Variants in MAP3K20 observed in about 807,000 individuals in gnomAD.
MAP3K20 encodes the protein HCCS-4.
MAP3K20 carries 40 observed loss-of-function variants against 85.7 expected under a neutral mutation model. The ratio of observed to expected loss-of-function variants is 0.47; its 90% confidence interval spans 0.36 to 0.61. The LOEUF (loss-of-function observed/expected upper bound fraction) is 0.61, where lower values mean the gene tolerates loss of function less well. MAP3K20 is among the 20% of genes least tolerant of loss of function. The pLI, the probability that MAP3K20 is intolerant of heterozygous loss-of-function variation, is 0.00. For synonymous variants in MAP3K20, 325 were observed against 327.7 expected (o/e 0.99, Z 0.09); for missense variants, 817 against 961.7 (o/e 0.85, Z 1.99).
intron 2 of MAP3K20, among the ~76,000 whole-genome samples, chr2:173,169,067 C>A (rs1310468605): frequency 1.3e-5 from 2 of 152,076 alleles, no homozygotes. Context: ...ATATATTTTG[C>A]ATAAATGATT....
chr2:173,144,256 G>C (rs1031760768), intron 2 of MAP3K20, among the ~76,000 whole-genome samples: 1 of 152,062 alleles, frequency 6.6e-6, no homozygotes, highest in African/African-American at 2.4e-5. Flanking sequence ...AAGGTCACGA[G>C]ATCAAGACCA....
At chr2:173,218,183 C>T (rs1311232790) in intron 11 of MAP3K20, among the ~76,000 whole-genome samples, 1 of 152,096 alleles carries the variant, frequency 6.6e-6, no homozygotes, top group African/African-American at 2.4e-5. Context: ...AAAAGCTTTC[C>T]TATCTTTAAA....
intron 1 of MAP3K20, among the ~76,000 whole-genome samples, chr2:173,076,747 C>T (rs1048957538): frequency 7.9e-5 from 12 of 152,244 alleles, no homozygotes; most frequent in African/African-American, 2.9e-4. Flanking sequence ...TTCCTCCCAC[C>T]GGAGCCGGGG....
chr2:173,121,639 G>A (rs1351294723), intron 2 of MAP3K20, among the ~76,000 whole-genome samples: 2 of 151,762 alleles, frequency 1.3e-5, no homozygotes, highest in Non-Finnish European at 2.9e-5. Context: ...CGCCCGCCTT[G>A]GCCTCCCAAA....
intron 1 of MAP3K20, among the ~76,000 whole-genome samples, chr2:173,087,342 C>CACT (rs2106143036): frequency 6.6e-6 from 1 of 152,286 alleles, no homozygotes; most frequent in South Asian, 2.1e-4. Context: ...GAAGCAGAGA[C>CACT]ACTAGCCTGT....
chr2:173,090,682 G>A, intron 1 of MAP3K20: 1 of 1,008,846 alleles, frequency 9.9e-7, no homozygotes. Flanking sequence ...GAGACCTGGT[G>A]ACACAGTAGC....
intron 3 of MAP3K20, among the ~76,000 whole-genome samples, chr2:173,177,443 ATTTT>A (rs71403359): frequency 7.9e-6 from 1 of 126,606 alleles, no homozygotes; most frequent in Non-Finnish European, 1.6e-5. Context: ...ATCACAATAG[ATTTT>A]TTTTTTTTTT....
intron 2 of MAP3K20, among the ~76,000 whole-genome samples, chr2:173,106,419 A>G (rs980730813): frequency 6.6e-6 from 1 of 152,232 alleles, no homozygotes; most frequent in Non-Finnish European, 1.5e-5. Context: ...CAAAGATGCC[A>G]AGGCAGTTAA....
chr2:173,105,977 A>G (rs1295126721), intron 2 of MAP3K20, among the ~76,000 whole-genome samples: 2 of 152,210 alleles, frequency 1.3e-5, no homozygotes, highest in African/African-American at 2.4e-5. Context: ...CTGAAGGATA[A>G]ATTTAACAAA....
intron 2 of MAP3K20, among the ~76,000 whole-genome samples, chr2:173,112,179 G>A (rs979179606): frequency 6.6e-6 from 1 of 152,116 alleles, no homozygotes; most frequent in Non-Finnish European, 1.5e-5. Flanking sequence ...TATTGTAAAA[G>A]GGGTTGAGTT....
At chr2:173,181,886 C>CAAAAAAAAAA (rs74938428) in intron 3 of MAP3K20, among the ~76,000 whole-genome samples, 1 of 135,022 alleles carries the variant, frequency 7.4e-6, no homozygotes, top group Non-Finnish European at 1.6e-5. Context: ...TCATCTCTAC[C>CAAAAAAAAAA]AAAAAAAAAA....
At chr2:173,103,099 T>A (rs1412257440) in intron 2 of MAP3K20, among the ~76,000 whole-genome samples, 3 of 152,302 alleles carry the variant, frequency 2.0e-5, no homozygotes, top group African/African-American at 7.2e-5. Flanking sequence ...TACTCATTTT[T>A]ATTTTAATCA....
chr2:173,217,203 C>A lies in MAP3K20; in HGVS notation c.940C>A (p.Arg314Ser). The A allele has an allele frequency of 6.2e-7, 1 of 1,604,272 alleles. No individual in the cohort carries two copies. ...GCAGGAGCTTAAAGAACGAGAAAGACGTTTAAAGATGTGGGAGCAAAAGCT... is the reference window on the plus strand; with the variant it reads ...GCAGGAGCTTAAAGAACGAGAAAGAAGTTTAAAGATGTGGGAGCAAAAGCT... ...KEQELKERER[R>S]LKMWEQKLTE... The change falls in exon 11 of 20, where the codon CGT becomes AGT. Residue 314 changes from arginine to serine, a missense_variant. Around this residue, in one of 4 missense-constraint regions of MAP3K20, gnomAD observed 158 missense variants for 162.0 expected, o/e 0.98. Coordinates refer to ENST00000375213, the MANE Select transcript of MAP3K20 (RefSeq NM_016653.3).
At chr2:173,149,350 A>G (rs181111285) in intron 2 of MAP3K20, among the ~76,000 whole-genome samples, 33 of 152,284 alleles carry the variant, frequency 2.2e-4, no homozygotes, top group African/African-American at 7.0e-4. Context: ...CAGAGAGGAC[A>G]TTAGTGGAGA....
intron 2 of MAP3K20, among the ~76,000 whole-genome samples, chr2:173,104,447 A>G (rs980331691): frequency 1.3e-5 from 2 of 152,328 alleles, no homozygotes; most frequent in Admixed American, 6.5e-5. Context: ...ACAGACCACA[A>G]GAGATAAGGA....
At chr2:173,102,094 T>C (rs1190367582) in intron 2 of MAP3K20, among the ~76,000 whole-genome samples, 1 of 152,196 alleles carries the variant, frequency 6.6e-6, no homozygotes, top group African/African-American at 2.4e-5. Flanking sequence ...CTGTACCTTA[T>C]TGATCTTTGT....
chr2:173,266,625 G>A lies in MAP3K20; in HGVS notation c.2278G>A (p.Asp760Asn). 1.2e-6 allele frequency: 2 copies of A among 1,613,846 alleles called. No individual in the cohort carries two copies. Residue 760 changes from aspartate to asparagine, a missense_variant, in exon 20 of 20, where the codon GAC (aspartate) becomes AAC (asparagine). Asp to Asn is a conservative substitution (Grantham distance 23). Coordinates refer to ENST00000375213, the MANE Select transcript of MAP3K20 (RefSeq NM_016653.3). ...PETDSRASEE[D>N]SKVSEGGWTK... ...GACTGACTCAAGAGCCAGTGAAGAG[G>A]ACAGCAAAGTCAGCGAAGGGGGCTG... is the stretch of plus-strand genomic sequence containing the variant.
At chr2:173,247,719 A>G (rs1684952155) in intron 16 of MAP3K20, among the ~76,000 whole-genome samples, 2 of 151,848 alleles carry the variant, frequency 1.3e-5, no homozygotes, top group Non-Finnish European at 2.9e-5. Context: ...ATAATAACTA[A>G]TAAATAAGAG....
At chr2:173,193,550 A>G (rs1374224671) in intron 7 of MAP3K20, among the ~76,000 whole-genome samples, 3 of 152,188 alleles carry the variant, frequency 2.0e-5, no homozygotes, top group Non-Finnish European at 4.4e-5. Context: ...TCTTAGTACC[A>G]GTAGCCAAGC....
Sources: gnomAD v4.1 joint callset for allele counts (sites outside exome capture counted in the v4.1 genomes callset) on GRCh38, gnomAD v4.1.1 for gene constraint, gnomAD v4.1.1 regional missense constraint, MANE v1.5 for transcripts, NCBI Gene and HGNC (gene_info 2026-07-23, HGNC 2026-07-21) for gene names.